The following CDH18 variants were observed in gnomAD, a reference collection of about 807,000 sequenced individuals.
CDH18 encodes the protein cadherin-18.
Under a neutral mutation model 67.9 loss-of-function variants are expected in CDH18, and 31 were observed. That is an observed-to-expected ratio of 0.46 (90% CI 0.34 to 0.62). The LOEUF is 0.62. Among genes scored for constraint, CDH18 ranks in the 20% least tolerant of loss-of-function variants. The pLI is 0.01. For synonymous variants in CDH18, 362 were observed against 347.2 expected (o/e 1.04, Z -0.48); for missense variants, 890 against 975.5 (o/e 0.91, Z 1.17).
intron 1 of CDH18, among the ~76,000 whole-genome samples, chr5:20,435,830 A>C (rs12697584): frequency 0.22 from 33,504 of 152,050 alleles, 3,873 homozygotes; most frequent in East Asian, 0.3. Flanking sequence ...AAAGATATCA[A>C]AGGTAAAATC....
chr5:19,792,225 G>C (rs890960721), intron 3 of CDH18, among the ~76,000 whole-genome samples: 2 of 152,098 alleles, frequency 1.3e-5, no homozygotes, highest in Non-Finnish European at 2.9e-5. Context: ...TGAGGGTCTA[G>C]ATAGAACAAT....
At chr5:20,565,200 C>G (rs1758431117) in intron 1 of CDH18, among the ~76,000 whole-genome samples, 1 of 152,166 alleles carries the variant, frequency 6.6e-6, no homozygotes, top group African/African-American at 2.4e-5. Flanking sequence ...TATATGTGAA[C>G]TGGCCTTGTT....
At chr5:20,408,485 G>C (rs1338536763) in intron 1 of CDH18, among the ~76,000 whole-genome samples, 1 of 151,878 alleles carries the variant, frequency 6.6e-6, no homozygotes, top group Non-Finnish European at 1.5e-5. Context: ...TATAGAATTT[G>C]TATGCCATTG....
chr5:19,921,478 C>T (rs1255039518), intron 2 of CDH18, among the ~76,000 whole-genome samples: 4 of 151,490 alleles, frequency 2.6e-5, no homozygotes. Context: ...TTGCAGTGAG[C>T]CGAGATCGCT....
chr5:20,405,748 A>C (rs992316375), intron 1 of CDH18, among the ~76,000 whole-genome samples: 10 of 149,672 alleles, frequency 6.7e-5, no homozygotes. Context: ...CAAGAAAATA[A>C]AACCCCATCA....
chr5:19,984,099 T>G (rs1799322844), intron 1 of CDH18, among the ~76,000 whole-genome samples: 2 of 152,126 alleles, frequency 1.3e-5, no homozygotes, highest in Non-Finnish European at 2.9e-5. Flanking sequence ...ACAAACATCC[T>G]ACAAAATTAG....
At chr5:20,493,844 A>G (rs1753737463) in intron 1 of CDH18, among the ~76,000 whole-genome samples, 1 of 152,076 alleles carries the variant, frequency 6.6e-6, no homozygotes, top group South Asian at 2.1e-4. Context: ...GTTATAGGTC[A>G]AGCTTCTGGT....
intron 3 of CDH18, among the ~76,000 whole-genome samples, chr5:19,801,725 A>G (rs1216289217): frequency 6.6e-6 from 1 of 152,208 alleles, no homozygotes; most frequent in East Asian, 1.9e-4. Flanking sequence ...AACATTCTTT[A>G]CAGACACTAA....
At chr5:20,556,688 G>T (rs539191916) in intron 1 of CDH18, among the ~76,000 whole-genome samples, 2 of 152,016 alleles carry the variant, frequency 1.3e-5, no homozygotes, top group Admixed American at 6.6e-5. Flanking sequence ...TGGATTATTC[G>T]CCCACTCCCT....
chr5:20,095,596 G>GAAAGA (rs372447959), intron 2 of CDH18, among the ~76,000 whole-genome samples: 11 of 10,954 alleles, frequency 1.0e-3, no homozygotes, highest in Non-Finnish European at 1.2e-3. Context: ...AAGGAAGAAA[G>GAAAGA]AAGAAAGAAA....
chr5:20,349,750 G>T (rs925642989), intron 1 of CDH18, among the ~76,000 whole-genome samples: 1 of 152,076 alleles, frequency 6.6e-6, no homozygotes, highest in African/African-American at 2.4e-5. Context: ...AGATAAGTCA[G>T]ATTACATTTT....
At chr5:19,964,594 A>G (rs747954011) in intron 2 of CDH18, among the ~76,000 whole-genome samples, 67 of 150,014 alleles carry the variant, frequency 4.5e-4, no homozygotes, top group Non-Finnish European at 8.4e-4. Flanking sequence ...GGCAGCAGTG[A>G]GTGGGATTGT....
At chr5:20,501,982 T>C (rs920912858) in intron 1 of CDH18, among the ~76,000 whole-genome samples, 1 of 151,840 alleles carries the variant, frequency 6.6e-6, no homozygotes, top group Non-Finnish European at 1.5e-5. Context: ...ATGACAGATA[T>C]GAATTTGCTA....
At chr5:19,656,085 A>G (rs1756347468) in intron 5 of CDH18, among the ~76,000 whole-genome samples, 1 of 150,406 alleles carries the variant, frequency 6.6e-6, no homozygotes, top group African/African-American at 2.4e-5. Context: ...ATACTCAGGC[A>G]TAACCAACTT....
At chr5:20,350,061 G>GT (rs1741038239) in intron 1 of CDH18, among the ~76,000 whole-genome samples, 1 of 152,074 alleles carries the variant, frequency 6.6e-6, no homozygotes, top group Admixed American at 6.6e-5. Context: ...GAGTTCTCGT[G>GT]TAATATTTTT....
At chr5:20,082,125 C>A (rs532948111) in intron 2 of CDH18, among the ~76,000 whole-genome samples, 1 of 151,346 alleles carries the variant, frequency 6.6e-6, no homozygotes. Flanking sequence ...TTTCTCCAAC[C>A]GATGCATTCA....
chr5:19,827,051 T>C (rs1441089426), intron 3 of CDH18, among the ~76,000 whole-genome samples: 2 of 151,302 alleles, frequency 1.3e-5, no homozygotes, highest in Non-Finnish European at 2.9e-5. Context: ...ACCAAGAAAA[T>C]GGCAAACAGA....
At chr5:20,105,167 A>G (rs1746817863) in intron 2 of CDH18, among the ~76,000 whole-genome samples, 1 of 151,928 alleles carries the variant, frequency 6.6e-6, no homozygotes. Context: ...TTGTATTTTT[A>G]GTAGAGACCG....
chr5:19,652,576 TAAG>T (rs927910202), intron 5 of CDH18, among the ~76,000 whole-genome samples: 1 of 152,078 alleles, frequency 6.6e-6, no homozygotes, highest in African/African-American at 2.4e-5. Context: ...GAAAAGTAGG[TAAG>T]AAGACTAATC....
Sources: gnomAD v4.1 joint callset for allele counts (sites outside exome capture counted in the v4.1 genomes callset) on GRCh38, gnomAD v4.1.1 for gene constraint, MANE v1.5 for transcripts, NCBI Gene and HGNC (gene_info 2026-07-23, HGNC 2026-07-21) for gene names.